Variants in CPNE4 observed in about 807,000 individuals in gnomAD.
CPNE4 encodes copine 4, also known as copine-4.
Under a neutral mutation model 67.9 loss-of-function variants are expected in CPNE4, and 25 were observed. The ratio of observed to expected loss-of-function variants is 0.37; its 90% CI spans 0.27 to 0.51. CPNE4 has a LOEUF of 0.51. Among genes scored for constraint, CPNE4 ranks in the 20% least tolerant of loss-of-function variants. The probability of loss-of-function intolerance (pLI) is 0.93; values close to 1 mark genes in which losing one functional copy is unlikely to be tolerated. For missense variants in CPNE4, 464 were observed against 690.8 expected (o/e 0.67, Z 3.68); for synonymous variants, 242 against 244.9 (o/e 0.99, Z 0.11).
intron 7 of CPNE4, among the ~76,000 whole-genome samples, chr3:131,650,578 T>C (rs572869442): frequency 6.9e-6 from 1 of 144,864 alleles, no homozygotes; most frequent in Non-Finnish European, 1.5e-5. Context: ...ACCCCGTCTC[T>C]ACTAAAAATA....
chr3:131,937,102 T>G (rs922805945), intron 1 of CPNE4, among the ~76,000 whole-genome samples: 2 of 151,970 alleles, frequency 1.3e-5, no homozygotes, highest in African/African-American at 4.8e-5. Flanking sequence ...GAAAGCTAAA[T>G]GTAATTGTGA....
rs1166194208 is a variant in CPNE4 at position 131,587,493 on chromosome 3, T to C, written c.771A>G (p.Glu257=). Residue 257 remains glutamate, a synonymous_variant, in exon 8 of 16, where the codon GAA becomes GAG. Coordinates refer to ENST00000429747, the MANE Select transcript of CPNE4 (RefSeq NM_130808.3). ...GTGGTTGACCATGTACCTGTTTCCC[T>C]TCCATTGCTCCTCTCATCTCCTTGA... is the stretch of plus-strand genomic sequence containing the variant. ...STFKEMRGAM[E]GKQVQWECIN... is the part of the protein sequence containing the mutation. The C allele has an allele frequency of 1.2e-6, 2 of 1,613,440 alleles. No homozygotes were observed. Among genetic ancestry groups the C allele is most frequent in the Non-Finnish European group, 1.7e-6 (2 of 1,179,422 alleles).
At chr3:131,979,655 A>G (rs919829270) in intron 1 of CPNE4, among the ~76,000 whole-genome samples, 9 of 152,176 alleles carry the variant, frequency 5.9e-5, no homozygotes, top group African/African-American at 2.2e-4. Flanking sequence ...GCATCTTTTA[A>G]GTGGAGCATT....
At chr3:131,629,129 C>T (rs1161140072) in intron 7 of CPNE4, among the ~76,000 whole-genome samples, 4 of 152,120 alleles carry the variant, frequency 2.6e-5, no homozygotes, top group African/African-American at 9.7e-5. Flanking sequence ...CAAAGAACAT[C>T]TTTATTTCTG....
intron 7 of CPNE4, among the ~76,000 whole-genome samples, chr3:131,615,923 ACACACG>A (rs1202044038): frequency 5.1e-4 from 46 of 89,442 alleles, no homozygotes; most frequent in African/African-American, 4.9e-3. Context: ...ACACACACAC[ACACACG>A]CACACACACA....
At chr3:132,036,407 A>G (rs1283667997), upstream of CPNE4, among the ~76,000 whole-genome samples, 1 of 152,244 alleles carries the variant, frequency 6.6e-6, no homozygotes, top group East Asian at 1.9e-4. Flanking sequence ...GCCCCACCTG[A>G]TCTACACACA....
chr3:131,971,072 C>A (rs2072486836), intron 1 of CPNE4, among the ~76,000 whole-genome samples: 1 of 152,208 alleles, frequency 6.6e-6, no homozygotes. Flanking sequence ...GTTCATCTGG[C>A]AGCTAGAAAG....
chr3:131,559,431 C>A (rs961802415), intron 11 of CPNE4, among the ~76,000 whole-genome samples: 9 of 151,850 alleles, frequency 5.9e-5, no homozygotes, highest in Admixed American at 4.6e-4. Context: ...TGGAAAAACA[C>A]CCCATTATCT....
chr3:131,588,411 T>C (rs1417806614), intron 7 of CPNE4, among the ~76,000 whole-genome samples: 1 of 152,178 alleles, frequency 6.6e-6, no homozygotes, highest in East Asian at 1.9e-4. Context: ...ATATCATTGC[T>C]ACATCTTAAG....
At chr3:131,789,805 G>GA (rs370205277) in intron 2 of CPNE4, among the ~76,000 whole-genome samples, 9,090 of 151,730 alleles carry the variant, frequency 0.06, 400 homozygotes, top group African/African-American at 0.12. Flanking sequence ...TATACACAAG[G>GA]AAAAAAAATC....
chr3:132,034,293 C>T (rs925918907), intron 1 of CPNE4, among the ~76,000 whole-genome samples: 8 of 152,304 alleles, frequency 5.3e-5, no homozygotes, highest in African/African-American at 1.9e-4. Context: ...CTGTCCCCTC[C>T]CCTCCGCGGT....
intron 2 of CPNE4, among the ~76,000 whole-genome samples, chr3:131,812,598 T>C (rs932711026): frequency 1.3e-5 from 2 of 152,212 alleles, no homozygotes; most frequent in Admixed American, 1.3e-4. Flanking sequence ...CACATGCAAA[T>C]GTTGTGTGCC....
At chr3:131,740,792 C>T (rs1322321047) in intron 2 of CPNE4, among the ~76,000 whole-genome samples, 1 of 152,178 alleles carries the variant, frequency 6.6e-6, no homozygotes, top group Non-Finnish European at 1.5e-5. Flanking sequence ...TCAAACTTTT[C>T]ATTGTAATCT....
intron 1 of CPNE4, among the ~76,000 whole-genome samples, chr3:132,030,715 T>C (rs1376634764): frequency 2.0e-5 from 3 of 152,144 alleles, no homozygotes; most frequent in Admixed American, 1.3e-4. Flanking sequence ...AGAAAATATA[T>C]CCAATATATC....
At chr3:131,595,229 A>C (rs1938773986) in intron 7 of CPNE4, among the ~76,000 whole-genome samples, 1 of 152,222 alleles carries the variant, frequency 6.6e-6, no homozygotes, top group Non-Finnish European at 1.5e-5. Flanking sequence ...AATACAAAAG[A>C]AGTGAAATCA....
At chr3:131,998,279 T>C (rs2073346352) in intron 1 of CPNE4, among the ~76,000 whole-genome samples, 1 of 152,006 alleles carries the variant, frequency 6.6e-6, no homozygotes, top group African/African-American at 2.4e-5. Flanking sequence ...CCATGGCCAA[T>C]TGCTGATCCC....
rs144421092 is a variant in CPNE4 at position 131,770,642 on chromosome 3, G to C, written c.181-47017C>G. ...GAAGGTCTGGGATAGCTTAAGGAGG[G>C]CTGGGATCCTTCACTCAGTGCTTAT... On this transcript the variant is annotated intron_variant, in intron 2 of 15. Transcript: ENST00000429747. 3.9e-3 allele frequency among the ~76,000 whole-genome samples: 599 copies of C among 152,358 alleles called. 6 individuals carry two copies. Among genetic ancestry groups the C allele is most frequent in the African/African-American group, 0.014 (567 of 41,600 alleles).
At chr3:131,754,722 C>T (rs1404667492) in intron 2 of CPNE4, among the ~76,000 whole-genome samples, 1 of 152,110 alleles carries the variant, frequency 6.6e-6, no homozygotes, top group Non-Finnish European at 1.5e-5. Flanking sequence ...AAATCAGGTG[C>T]TCCTGTGCCA....
intron 2 of CPNE4, among the ~76,000 whole-genome samples, chr3:131,797,916 G>A (rs955386685): frequency 3.9e-5 from 6 of 152,084 alleles, no homozygotes; most frequent in African/African-American, 1.4e-4. Context: ...ATACTCTGGA[G>A]GCTGGCAAGT....
Sources: allele counts gnomAD v4.1 joint callset (sites outside exome capture counted in the v4.1 genomes callset), GRCh38; gene constraint gnomAD v4.1.1; transcripts MANE v1.5; gene names NCBI Gene and HGNC (gene_info 2026-07-23, HGNC 2026-07-21).